MUSK: variants seen among roughly 807,000 people sequenced by gnomAD.
MUSK encodes the protein muscle associated receptor tyrosine kinase.
In MUSK, 55 loss-of-function variants were observed where a neutral mutation model predicts 88.7. The observed-to-expected ratio is 0.62, with a 90% CI of 0.50 to 0.78. The LOEUF is 0.78. MUSK is among the 30% of genes least tolerant of loss of function. The pLI is 0.00. For synonymous variants in MUSK, 387 were observed against 391.9 expected (o/e 0.99, Z 0.15); for missense variants, 1,015 against 1,074.3 (o/e 0.94, Z 0.77).
At chr9:110,780,567 TTG>T (rs2077735107) in intron 11 of MUSK, among the ~76,000 whole-genome samples, 2 of 152,220 alleles carry the variant, frequency 1.3e-5, no homozygotes, top group African/African-American at 4.8e-5. Flanking sequence ...CCCTGAAGCC[TTG>T]TGTGTTATCA....
intron 13 of MUSK, 39 bp from the exon 14 acceptor site, chr9:110,787,651 A>G: frequency 6.3e-7 from 1 of 1,599,470 alleles, no homozygotes; most frequent in Non-Finnish European, 8.5e-7. Flanking sequence ...TATGATGTCC[A>G]TGATCTTTGG....
intron 5 of MUSK, among the ~76,000 whole-genome samples, chr9:110,704,564 A>G (rs1330779273): frequency 6.6e-6 from 1 of 151,718 alleles, no homozygotes; most frequent in African/African-American, 2.4e-5. Flanking sequence ...TAAGTGCTTT[A>G]GAATATTAAT....
chr9:110,727,266 G>C (rs1587960806), intron 5 of MUSK, among the ~76,000 whole-genome samples: 1 of 152,016 alleles, frequency 6.6e-6, no homozygotes, highest in African/African-American at 2.4e-5. Context: ...GTGTAAATAT[G>C]AGACCTTCTC....
chr9:110,774,864 T>TACAC (rs1463701130), intron 9 of MUSK, among the ~76,000 whole-genome samples: 3,713 of 99,292 alleles, frequency 0.037, 66 homozygotes, highest in Admixed American at 0.054. Flanking sequence ...GTGGCATATA[T>TACAC]ATACACACAC....
chr9:110,704,067 T>G (rs942159651), intron 5 of MUSK, among the ~76,000 whole-genome samples: 22 of 152,168 alleles, frequency 1.4e-4, no homozygotes, highest in African/African-American at 5.1e-4. Context: ...ATCCTTACAA[T>G]TTGGTATAGC....
Position 110,784,877 on chromosome 9 carries a change from T to A in MUSK, c.1447T>A (p.Ser483Thr), listed in dbSNP as rs1402697571. The part of the protein sequence containing the change: ...VDIPNLPSSS[S>T]SSFSVSPTYS... ...CATTCCAAATCTGCCTTCCTCCTCC[T>A]CTTCTTCCTTCTCTGTCTCACCTAC... Residue 483 changes from serine (S) to threonine (T), a missense_variant, in exon 12 of 15, where the codon TCT becomes ACT. Physicochemically the swap from Ser to Thr is moderately conservative, Grantham distance 58. Transcript: ENST00000374448. The A allele has an allele frequency of 6.2e-7, 1 of 1,613,906 alleles. No individual in the cohort carries two copies. Among genetic ancestry groups the A allele is most frequent in the South Asian group, 1.1e-5 (1 of 91,074 alleles).
chr9:110,721,417 C>T (rs973083694), intron 5 of MUSK, among the ~76,000 whole-genome samples: 4 of 152,076 alleles, frequency 2.6e-5, no homozygotes, highest in African/African-American at 9.7e-5. Flanking sequence ...TTAATGTACA[C>T]AAATCAGTAG....
chr9:110,707,286 G>A (rs1055260384), intron 5 of MUSK, among the ~76,000 whole-genome samples: 1 of 152,110 alleles, frequency 6.6e-6, no homozygotes, highest in African/African-American at 2.4e-5. Flanking sequence ...TAGCTGGGGG[G>A]TGTCTTTGTT....
intron 14 of MUSK, among the ~76,000 whole-genome samples, chr9:110,798,881 A>G (rs1009135314): frequency 6.6e-6 from 1 of 152,112 alleles, no homozygotes; most frequent in Admixed American, 6.5e-5. Flanking sequence ...TTTGTATAGT[A>G]TTTTCTTTAT....
At chr9:110,713,349 T>C (rs560239108) in intron 5 of MUSK, among the ~76,000 whole-genome samples, 7 of 150,258 alleles carry the variant, frequency 4.7e-5, no homozygotes, top group African/African-American at 1.7e-4. Flanking sequence ...AACCTCCGCC[T>C]CCCAGGTTCA....
intron 5 of MUSK, among the ~76,000 whole-genome samples, chr9:110,698,533 T>A (rs2076461771): frequency 6.6e-6 from 1 of 152,192 alleles, no homozygotes; most frequent in African/African-American, 2.4e-5. Flanking sequence ...CTCATTCATA[T>A]AGTTTTCTAT....
At position 110,800,520 on chromosome 9, in the gene MUSK, T is replaced by A; in HGVS notation, c.2142T>A (p.Ala714=). The change falls in exon 15 of 15, where the codon GCT becomes GCA. Residue 714 remains alanine (A), a synonymous_variant. Coordinates refer to ENST00000374448, the MANE Select transcript of MUSK (RefSeq NM_005592.4). ...CCAGGCAGGTGGCAGCTGGCATGGCTTACCTCTCAGAACGTAAGTTTGTTC... is the reference window on the plus strand; with the variant it reads ...CCAGGCAGGTGGCAGCTGGCATGGCATACCTCTCAGAACGTAAGTTTGTTC... ...CIARQVAAGM[A]YLSERKFVHR... 6.2e-7 allele frequency: 1 copy of A among 1,613,824 alleles called. No homozygotes were observed. The highest frequency in any genetic ancestry group is 8.5e-7 in the Non-Finnish European group (1 of 1,179,856).
intron 5 of MUSK, among the ~76,000 whole-genome samples, chr9:110,718,222 G>A (rs1018695603): frequency 2.6e-5 from 4 of 152,026 alleles, no homozygotes; most frequent in African/African-American, 9.7e-5. Context: ...CCTTCCCTAA[G>A]AGTAGATGAT....
intron 1 of MUSK, among the ~76,000 whole-genome samples, chr9:110,670,404 T>C (rs1004294687): frequency 1.3e-5 from 2 of 152,162 alleles, no homozygotes; most frequent in Non-Finnish European, 2.9e-5. Flanking sequence ...ATAAAAATGA[T>C]AGGGTTAAAT....
rs1479457014 is a variant in MUSK at position 110,803,920 on chromosome 9, G to T, written c.*2932G>T. 6.6e-6 allele frequency among the ~76,000 whole-genome samples: 1 copy of T among 152,056 alleles called. No homozygotes were observed. The highest frequency in any genetic ancestry group is 1.5e-5 in the Non-Finnish European group (1 of 67,998). On this transcript the variant is annotated 3_prime_UTR_variant, in exon 15 of 15. Transcript: ENST00000374448. ...CAGTGTCACTGTTACCAAGTGCCAG[G>T]ACAGATATCAGTAAGGCACCAGCAG...
At chr9:110,791,058 A>T (rs1282405084) in intron 14 of MUSK, among the ~76,000 whole-genome samples, 1 of 152,182 alleles carries the variant, frequency 6.6e-6, no homozygotes, top group African/African-American at 2.4e-5. Flanking sequence ...GAAAGTAGGG[A>T]TCATTAAAAG....
rs1447789545 is a variant in MUSK at position 110,687,256 on chromosome 9, C to A, written c.346C>A (p.Gln116Lys). ...GGAVESCGAL[Q>K]VKMKPKITRP... ...AGCTGTGGAGAGTTGTGGAGCCCTG[C>A]AAGTGAAGATGAGTGAGTGGGAAAC... The change falls in exon 3 of 15, where the codon CAA becomes AAA. Residue 116 changes from glutamine (Q) to lysine (K), a missense_variant. Transcript: ENST00000374448. 5 of 1,613,668 alleles carry A rather than the reference C, an allele frequency of 3.1e-6. No individual in the cohort carries two copies. In the South Asian group the frequency reaches 3.3e-5, roughly 11 times the overall value.
rs1387047920 is a variant in MUSK, at chr9:110,761,736, G to A, written c.914-466G>A. Among the ~76,000 whole-genome samples the A allele has an allele frequency of 5.3e-5, 8 of 151,802 alleles. 2 individuals carry two copies. In the South Asian group the frequency reaches 1.5e-3, roughly 28 times the overall value. On this transcript the variant is annotated intron_variant, in intron 7 of 14. Transcript: ENST00000374448. ...ATTACAGGCGCCCGCCACCTCGCCCGGCTAATTTTTTGTATTTTTAGTAGA... is the reference window on the plus strand; with the variant it reads ...ATTACAGGCGCCCGCCACCTCGCCCAGCTAATTTTTTGTATTTTTAGTAGA...
Position 110,687,135 on chromosome 9 carries a change from C to T in MUSK, c.225C>T (p.Tyr75=), listed in dbSNP as rs56130155. Residue 75 remains tyrosine (Y), a synonymous_variant, in exon 3 of 15, where the codon TAC becomes TAT. Coordinates refer to ENST00000374448, the MANE Select transcript of MUSK (RefSeq NM_005592.4). The part of the protein sequence containing the change: ...KILIKLFDTR[Y]SIRENGQLLT... ...CCTGCAGACTCTTTGACACCCGGTA[C>T]AGCATCCGGGAGAATGGGCAGCTCC... 4.0e-3 allele frequency: 6,386 copies of T among 1,613,314 alleles called. 256 individuals carry two copies. The African/African-American group carries it at 0.076, about 19-fold the overall frequency.
Sources: gnomAD v4.1 joint callset for allele counts (sites outside exome capture counted in the v4.1 genomes callset) on GRCh38, gnomAD v4.1.1 for gene constraint, MANE v1.5 for transcripts, NCBI Gene and HGNC (gene_info 2026-07-23, HGNC 2026-07-21) for gene names.